The following COG5 variants were observed in gnomAD, a reference collection of about 807,000 sequenced individuals.
COG5 encodes the protein conserved oligomeric Golgi complex subunit 5.
A neutral mutation model predicts 110.4 loss-of-function variants in COG5; 86 were observed. That is an observed-to-expected ratio of 0.78 (90% CI 0.65 to 0.93). The LOEUF (loss-of-function observed/expected upper bound fraction) is 0.93. Ranked by LOEUF, COG5 falls within the 40% of genes least tolerant of loss-of-function variation. COG5 has a pLI of 0.00. For missense variants in COG5, 1,077 were observed against 987.0 expected, an observed-to-expected ratio of 1.09 and a Z score of -1.22; for synonymous variants, 360 against 334.6, an observed-to-expected ratio of 1.08 and a Z score of -0.83.
Position 107,202,518 on chromosome 7 carries a change from G to GAA in COG5, c.*997_*998insTT, listed in dbSNP as rs886061868. 2 of 152,354 alleles carry GAA rather than the reference G, an allele frequency of 1.3e-5. No homozygotes were observed. The highest frequency in any genetic ancestry group is 2.9e-5 in the Non-Finnish European group (2 of 68,000). The allele number at this position is 152,354 out of a possible 1,614,324, so 9.4% of individuals were successfully genotyped here. On this transcript the variant is annotated 3_prime_UTR_variant, in exon 22 of 22. Coordinates refer to ENST00000297135, the MANE Select transcript of COG5 (RefSeq NM_006348.5). ...TTTCAAATAAATGGAAAAAAAAGTTGCTTATCTCTGACGTCTACTGATTGA... is the reference window on the plus strand; with the variant it reads ...TTTCAAATAAATGGAAAAAAAAGTTGAACTTATCTCTGACGTCTACTGATTGA...
chr7:107,325,380 G>C (rs1285078846), intron 10 of COG5, among the ~76,000 whole-genome samples: 4 of 152,232 alleles, frequency 2.6e-5, no homozygotes, highest in Non-Finnish European at 4.4e-5. Flanking sequence ...ACTGGGCACA[G>C]TGGCTCACAA....
chr7:107,545,780 A>G lies in COG5; in HGVS notation c.417+2331T>C, dbSNP rs1303815112. ...GGGTGAGAGAGTGAGACTCCATCTC[A>G]AAAAAAAAAAAAAAAAAAAGAAAAG... is the stretch of plus-strand genomic sequence containing the variant. On this transcript the variant is annotated intron_variant, in intron 5 of 21. Coordinates refer to ENST00000297135, the MANE Select transcript of COG5 (RefSeq NM_006348.5). Among the ~76,000 whole-genome samples the G allele has an allele frequency of 0.01, 102 of 9,756 alleles. 2 individuals carry two copies. The South Asian group carries it at 0.29, about 28-fold the overall frequency. 6.4% of individuals were successfully genotyped at this position (9,756 alleles called of 152,430 possible).
At chr7:107,317,171 G>C (rs376561813) in intron 11 of COG5, among the ~76,000 whole-genome samples, 4 of 152,086 alleles carry the variant, frequency 2.6e-5, no homozygotes, top group African/African-American at 9.7e-5. Context: ...TCAGAGTCAG[G>C]AAACAAATGA....
At chr7:107,204,290 A>G (rs764356615) in intron 21 of COG5, among the ~76,000 whole-genome samples, 1 of 152,156 alleles carries the variant, frequency 6.6e-6, no homozygotes, top group Non-Finnish European at 1.5e-5. Context: ...GTTCATTTAT[A>G]TATTGTCTGT....
chr7:107,445,260 C>A (rs1794940198), intron 6 of COG5, among the ~76,000 whole-genome samples: 1 of 152,142 alleles, frequency 6.6e-6, no homozygotes, highest in Admixed American at 6.6e-5. Flanking sequence ...AAAACACACT[C>A]TTCCTAGGTC....
At chr7:107,445,978 T>C (rs1322992749) in intron 6 of COG5, among the ~76,000 whole-genome samples, 1 of 152,140 alleles carries the variant, frequency 6.6e-6, no homozygotes, top group Non-Finnish European at 1.5e-5. Flanking sequence ...GTGCCACTCA[T>C]AAAGACCTCA....
chr7:107,509,068 A>G (rs1352604694), intron 6 of COG5, among the ~76,000 whole-genome samples: 8 of 152,242 alleles, frequency 5.3e-5, no homozygotes, highest in Admixed American at 5.2e-4. Context: ...ACGTGTTGAG[A>G]GAAGAAGGCT....
chr7:107,311,856 T>A (rs1044131551), intron 11 of COG5, among the ~76,000 whole-genome samples: 7 of 152,074 alleles, frequency 4.6e-5, no homozygotes, highest in African/African-American at 1.4e-4. Flanking sequence ...ATGCAAAAAA[T>A]TTTTTAACAT....
intron 6 of COG5, among the ~76,000 whole-genome samples, chr7:107,425,512 A>G (rs893032472): frequency 6.6e-6 from 1 of 152,008 alleles, no homozygotes; most frequent in Non-Finnish European, 1.5e-5. Flanking sequence ...TACTAAAAAA[A>G]AAAAAACACA....
At chr7:107,312,855 G>GA (rs1276566619) in intron 11 of COG5, among the ~76,000 whole-genome samples, 1 of 152,112 alleles carries the variant, frequency 6.6e-6, no homozygotes, top group Non-Finnish European at 1.5e-5. Flanking sequence ...CAGAAGAAGG[G>GA]AAAAACTAAC....
chr7:107,436,292 G>C (rs746808405), intron 6 of COG5, among the ~76,000 whole-genome samples: 10 of 152,188 alleles, frequency 6.6e-5, no homozygotes, highest in Non-Finnish European at 1.2e-4. Flanking sequence ...AAAATTTGAC[G>C]CATGCTATAC....
intron 11 of COG5, among the ~76,000 whole-genome samples, chr7:107,305,581 T>C (rs1284142341): frequency 1.3e-5 from 2 of 152,144 alleles, no homozygotes; most frequent in African/African-American, 4.8e-5. Flanking sequence ...TGGCTTAGTT[T>C]GGTCCTCTGC....
At chr7:107,308,293 C>CT (rs767317886) in intron 11 of COG5, among the ~76,000 whole-genome samples, 1 of 152,092 alleles carries the variant, frequency 6.6e-6, no homozygotes, top group South Asian at 2.1e-4. Flanking sequence ...ATGTTTGGGT[C>CT]TTACTCTTAG....
At chr7:107,246,417 G>C (rs559680789) in intron 17 of COG5, among the ~76,000 whole-genome samples, 1 of 152,214 alleles carries the variant, frequency 6.6e-6, no homozygotes, top group East Asian at 1.9e-4. Flanking sequence ...TATCAACAGA[G>C]TAAACAGACA....
intron 5 of COG5, among the ~76,000 whole-genome samples, chr7:107,531,833 T>C (rs1801233638): frequency 6.6e-6 from 1 of 152,054 alleles, no homozygotes. Flanking sequence ...ACTGAGAAGT[T>C]TCCCAAGTTT....
chr7:107,529,271 G>A (rs572915314), intron 5 of COG5, among the ~76,000 whole-genome samples: 85 of 152,296 alleles, frequency 5.6e-4, no homozygotes, highest in Non-Finnish European at 1.1e-3. Flanking sequence ...GAGTGGGGCA[G>A]GAGAGGGCTA....
At chr7:107,468,323 T>A (rs1796423882) in intron 6 of COG5, among the ~76,000 whole-genome samples, 1 of 152,150 alleles carries the variant, frequency 6.6e-6, no homozygotes, top group Non-Finnish European at 1.5e-5. Flanking sequence ...AAAAGCACTC[T>A]GCTGTGTTAA....
intron 7 of COG5, among the ~76,000 whole-genome samples, chr7:107,381,348 G>A (rs1306503571): frequency 6.6e-6 from 1 of 152,124 alleles, no homozygotes; most frequent in Admixed American, 6.5e-5. Flanking sequence ...TTAGCTACAT[G>A]GGATTGCCAA....
intron 14 of COG5, among the ~76,000 whole-genome samples, chr7:107,263,391 T>C (rs1803531076): frequency 6.6e-6 from 1 of 152,214 alleles, no homozygotes; most frequent in Non-Finnish European, 1.5e-5. Flanking sequence ...CAGCTTTGGC[T>C]GTAAAGCACT....
Sources: gnomAD v4.1 joint callset for allele counts (sites outside exome capture counted in the v4.1 genomes callset) on GRCh38, gnomAD v4.1.1 for gene constraint, MANE v1.5 for transcripts, NCBI Gene and HGNC (gene_info 2026-07-23, HGNC 2026-07-21) for gene names.